ABTB2: variants seen among roughly 807,000 people sequenced by gnomAD.
ABTB2 encodes ankyrin repeat and BTB domain containing 2.
ABTB2 carries 56 observed loss-of-function variants against 104.1 expected under a neutral mutation model. The ratio of observed to expected loss-of-function variants is 0.54; its 90% CI spans 0.43 to 0.67. ABTB2 has a LOEUF of 0.67. Ranked by LOEUF, ABTB2 falls within the 30% of genes least tolerant of loss-of-function variation. The pLI is 0.00. For missense variants in ABTB2, 1,279 were observed against 1,407.7 expected (o/e 0.91, Z 1.46); for synonymous variants, 606 against 608.2 (o/e 1.00, Z 0.05).
chr11:34,162,483 G>A (rs1852735513), intron 10 of ABTB2, 93 bp downstream of exon 10: 1 of 1,349,350 alleles, frequency 7.4e-7, no homozygotes, highest in Non-Finnish European at 1.0e-6. Flanking sequence ...TGCAGGCCCT[G>A]GCCCTCTCAG....
chr11:34,254,415 T>C (rs191136694), intron 1 of ABTB2, among the ~76,000 whole-genome samples: 1 of 151,694 alleles, frequency 6.6e-6, no homozygotes. Context: ...ACCTGGCTAA[T>C]TTTTGTATTT....
At position 34,152,176 on chromosome 11, in the gene ABTB2, C is replaced by T; in HGVS notation, c.*211G>A. The T allele has an allele frequency of 1.7e-6, 1 of 594,726 alleles. No individual in the cohort carries two copies. Among genetic ancestry groups the T allele is most frequent in the Non-Finnish European group, 2.9e-6 (1 of 339,716 alleles). 36.8% of individuals were successfully genotyped at this position (594,726 alleles called of 1,614,324 possible). On this transcript the variant is annotated 3_prime_UTR_variant, in exon 17 of 17. Transcript: ENST00000435224. ...GATGGGGAGGAGGGCCACCAGTTAG[C>T]TACATCTCCCCTTTGCCCATCAGTG...
rs1191267146 is a variant in ABTB2 at position 34,288,905 on chromosome 11, G to A, written c.883+67796C>T. 2.0e-5 allele frequency among the ~76,000 whole-genome samples: 3 copies of A among 152,102 alleles called. No individual in the cohort carries two copies. In the East Asian group the frequency reaches 5.8e-4, roughly 29 times the overall value. ...AGCAGTGACCTTCATAGTCCCTCTG[G>A]GTTTATTAATCACATACTCCCAATC... On this transcript the variant is annotated intron_variant, in intron 1 of 16. Coordinates refer to ENST00000435224, the MANE Select transcript of ABTB2 (RefSeq NM_145804.3).
chr11:34,299,761 C>T (rs1035876539), intron 1 of ABTB2, among the ~76,000 whole-genome samples: 42 of 152,242 alleles, frequency 2.8e-4, no homozygotes, highest in African/African-American at 9.6e-4. Flanking sequence ...CCAATCTGCA[C>T]TCCTCTTACA....
chr11:34,281,944 T>C (rs1483076467), intron 1 of ABTB2, among the ~76,000 whole-genome samples: 1 of 152,224 alleles, frequency 6.6e-6, no homozygotes, highest in Non-Finnish European at 1.5e-5. Flanking sequence ...TACCTAGTAA[T>C]AGGCGATGGA....
intron 1 of ABTB2, among the ~76,000 whole-genome samples, chr11:34,254,489 G>C (rs909963091): frequency 6.6e-6 from 1 of 151,850 alleles, no homozygotes. Flanking sequence ...CTGGGCTCAA[G>C]TGATCCTCCC....
chr11:34,326,966 A>G (rs1855077105), intron 1 of ABTB2, among the ~76,000 whole-genome samples: 1 of 152,088 alleles, frequency 6.6e-6, no homozygotes, highest in South Asian at 2.1e-4. Context: ...AATCCCAGCT[A>G]CCCAGGAGGC....
At position 34,275,875 on chromosome 11, in the gene ABTB2, C is replaced by G. The variant is rs781494036; in HGVS notation, c.884-71185G>C. On this transcript the variant is annotated intron_variant, in intron 1 of 16. Transcript: ENST00000435224. Reference sequence around the variant, plus strand: ...TCTCATTGGGTCAGCTGGACACAGTCCTGTGATCCCACAGGTGGAAGAGGT... The same window carrying G: ...TCTCATTGGGTCAGCTGGACACAGTGCTGTGATCCCACAGGTGGAAGAGGT... Among the ~76,000 whole-genome samples the G allele has an allele frequency of 1.0e-3, 157 of 152,320 alleles. 1 individual carries two copies. Among genetic ancestry groups the G allele is most frequent in the Non-Finnish European group, 4.0e-4 (27 of 68,024 alleles).
intron 3 of ABTB2, among the ~76,000 whole-genome samples, chr11:34,196,769 G>T (rs764756980): frequency 2.2e-4 from 33 of 152,200 alleles, no homozygotes; most frequent in Admixed American, 4.6e-4. Context: ...CCACTAACCT[G>T]CTGGAGATCA....
At chr11:34,199,956 C>T (rs931294207) in intron 2 of ABTB2, among the ~76,000 whole-genome samples, 2 of 152,174 alleles carry the variant, frequency 1.3e-5, no homozygotes, top group African/African-American at 4.8e-5. Context: ...TGCCGTCAAA[C>T]TCTGCCCCAC....
chr11:34,333,810 C>T (rs1222572988), intron 1 of ABTB2, among the ~76,000 whole-genome samples: 1 of 152,036 alleles, frequency 6.6e-6, no homozygotes, highest in Non-Finnish European at 1.5e-5. Context: ...CAGCTCAAAT[C>T]ACACAGTGAA....
chr11:34,174,959 C>A (rs1393277865), intron 3 of ABTB2, among the ~76,000 whole-genome samples: 2 of 152,258 alleles, frequency 1.3e-5, no homozygotes, highest in East Asian at 3.8e-4. Context: ...CAGGGGCAGG[C>A]GGCCAGGCCT....
intron 1 of ABTB2, among the ~76,000 whole-genome samples, chr11:34,208,480 G>A (rs187731842): frequency 3.3e-5 from 5 of 152,290 alleles, no homozygotes; most frequent in Non-Finnish European, 2.9e-5. Context: ...GGAGCAGTGA[G>A]CATGATCGAG....
chr11:34,193,532 G>A (rs1468836027), intron 3 of ABTB2, among the ~76,000 whole-genome samples: 2 of 152,240 alleles, frequency 1.3e-5, no homozygotes, highest in Non-Finnish European at 2.9e-5. Flanking sequence ...CCTCAGGTTT[G>A]AATCCTGGCC....
chr11:34,276,058 C>CA (rs1854378619), intron 1 of ABTB2, among the ~76,000 whole-genome samples: 1 of 152,096 alleles, frequency 6.6e-6, no homozygotes, highest in Admixed American at 6.5e-5. Context: ...ATAGAAATGG[C>CA]ATTTGGGTAT....
At chr11:34,217,121 T>A (rs918323367) in intron 1 of ABTB2, among the ~76,000 whole-genome samples, 4 of 152,236 alleles carry the variant, frequency 2.6e-5, no homozygotes, top group Non-Finnish European at 5.9e-5. Context: ...CTGGACACAC[T>A]GCCTATGGGA....
chr11:34,192,187 G>C (rs2473908), intron 3 of ABTB2, among the ~76,000 whole-genome samples: 14,283 of 152,148 alleles, frequency 0.094, 688 homozygotes, highest in East Asian at 0.14. Flanking sequence ...CAGCTACTGG[G>C]GGGGCTGAGG....
chr11:34,347,215 C>T (rs891149500), intron 1 of ABTB2, among the ~76,000 whole-genome samples: 5 of 152,136 alleles, frequency 3.3e-5, no homozygotes, highest in Admixed American at 6.5e-5. Context: ...GCGGGCAGAT[C>T]GCTTGAGGTC....
intron 1 of ABTB2, among the ~76,000 whole-genome samples, chr11:34,240,704 T>C (rs113717525): frequency 3.0e-4 from 46 of 152,182 alleles, no homozygotes; most frequent in Non-Finnish European, 5.7e-4. Flanking sequence ...GTGATTCTCC[T>C]GCTTCAGCCT....
Sources: allele counts gnomAD v4.1 joint callset (sites outside exome capture counted in the v4.1 genomes callset), GRCh38; gene constraint gnomAD v4.1.1; transcripts MANE v1.5; gene names NCBI Gene and HGNC (gene_info 2026-07-23, HGNC 2026-07-21).